ME3: variants seen among roughly 807,000 people sequenced by gnomAD.
ME3 encodes the protein malic enzyme 3, also known as NADP-dependent malic enzyme, mitochondrial.
A neutral mutation model predicts 68.9 loss-of-function variants in ME3; 48 were observed. The ratio of observed to expected loss-of-function variants is 0.70; its 90% CI spans 0.55 to 0.89. ME3 has a LOEUF of 0.89. ME3 is among the 40% of genes least tolerant of loss of function. The probability of loss-of-function intolerance (pLI) is 0.00; values close to 1 mark genes in which losing one functional copy is unlikely to be tolerated. For missense variants in ME3, 675 were observed against 797.4 expected (o/e 0.85, Z 1.85); for synonymous variants, 320 against 318.8 (o/e 1.00, Z -0.04).
chr11:86,564,086 T>C (rs778072002), intron 2 of ME3, among the ~76,000 whole-genome samples: 1 of 152,192 alleles, frequency 6.6e-6, no homozygotes, highest in Non-Finnish European at 1.5e-5. Flanking sequence ...TAGCATGGAA[T>C]GTTTTTCCAT....
chr11:86,476,359 G>T (rs1951083668), intron 7 of ME3, among the ~76,000 whole-genome samples: 1 of 152,232 alleles, frequency 6.6e-6, no homozygotes, highest in Admixed American at 6.5e-5. Flanking sequence ...AGGGGTGGGA[G>T]TTGGAGCCAT....
At chr11:86,619,538 T>A (rs1943210785) in intron 2 of ME3, among the ~76,000 whole-genome samples, 1 of 152,072 alleles carries the variant, frequency 6.6e-6, no homozygotes, top group Admixed American at 6.5e-5. Flanking sequence ...ACAGGAGGGG[T>A]TTCCCCCATA....
chr11:86,481,586 TG>T (rs1951411080), intron 7 of ME3, among the ~76,000 whole-genome samples: 1 of 152,090 alleles, frequency 6.6e-6, no homozygotes, highest in South Asian at 2.1e-4. Flanking sequence ...GGAGTGGGTG[TG>T]GGGGTGGAGT....
chr11:86,666,578 A>G (rs1174587355), intron 2 of ME3, among the ~76,000 whole-genome samples: 3 of 152,246 alleles, frequency 2.0e-5, no homozygotes, highest in Non-Finnish European at 4.4e-5. Flanking sequence ...AGTATTCAAC[A>G]GAGAAAAGTT....
chr11:86,454,098 A>T (rs1159744826), intron 8 of ME3, among the ~76,000 whole-genome samples: 2 of 152,252 alleles, frequency 1.3e-5, no homozygotes, highest in Non-Finnish European at 2.9e-5. Flanking sequence ...ACAAAGCAAA[A>T]GGAAATGAAA....
chr11:86,619,940 C>T (rs1943239083), intron 2 of ME3, among the ~76,000 whole-genome samples: 1 of 152,160 alleles, frequency 6.6e-6, no homozygotes, highest in Non-Finnish European at 1.5e-5. Context: ...AATTCACAGC[C>T]ACAAACCATT....
At chr11:86,550,907 G>A (rs939222136) in intron 4 of ME3, among the ~76,000 whole-genome samples, 1 of 152,186 alleles carries the variant, frequency 6.6e-6, no homozygotes. Context: ...CTGGAAATGG[G>A]CTCCAGTGGG....
At chr11:86,510,897 GA>G (rs1565880346) in intron 4 of ME3, among the ~76,000 whole-genome samples, 1 of 152,160 alleles carries the variant, frequency 6.6e-6, no homozygotes, top group East Asian at 1.9e-4. Flanking sequence ...TCAAAGACAA[GA>G]AAAAACAAAG....
chr11:86,535,011 C>T lies in ME3; in HGVS notation c.467+21542G>A, dbSNP rs541101243. The stretch of plus-strand genomic sequence containing the variant: ...TAATTTTTCATAAGTGAATTCTTAA[C>T]GAAGGTTTAAAACCACTGGCCTAGG... On this transcript the variant is annotated intron_variant, in intron 4 of 14. Coordinates refer to ENST00000543262, the Ensembl canonical transcript of ME3. Among the ~76,000 whole-genome samples, 40 of 152,242 alleles carry T rather than the reference C, an allele frequency of 2.6e-4. 1 individual carries two copies. The highest frequency in any genetic ancestry group is 4.9e-4 in the Non-Finnish European group (33 of 68,016).
chr11:86,510,929 T>C (rs1397952818), intron 4 of ME3, among the ~76,000 whole-genome samples: 1 of 152,216 alleles, frequency 6.6e-6, no homozygotes, highest in Non-Finnish European at 1.5e-5. Flanking sequence ...AAACTGATTC[T>C]CTTTCCTACT....
chr11:86,624,435 T>C (rs1209007102), intron 2 of ME3, among the ~76,000 whole-genome samples: 2 of 152,236 alleles, frequency 1.3e-5, no homozygotes, highest in Non-Finnish European at 2.9e-5. Flanking sequence ...ACAATATGTT[T>C]ACCATATAAA....
At chr11:86,450,780 C>T (rs1368419915) in intron 8 of ME3, among the ~76,000 whole-genome samples, 1 of 152,174 alleles carries the variant, frequency 6.6e-6, no homozygotes, top group Non-Finnish European at 1.5e-5. Flanking sequence ...GAGAACACAA[C>T]CTGACCATGA....
In ME3 at chr11:86,599,972, T is replaced by C. The variant is rs186822483; in HGVS notation, c.184-40149A>G. On this transcript the variant is annotated intron_variant, in intron 2 of 14. Transcript: ENST00000543262. ...AGCACTAAACATGGAAAGGCACAAC[T>C]GGTACCAGCCACTGCAAAATCATGC... 6.4e-3 allele frequency among the ~76,000 whole-genome samples: 975 copies of C among 152,260 alleles called. 8 individuals carry two copies. Among genetic ancestry groups the C allele is most frequent in the South Asian group, 0.017 (83 of 4,816 alleles).
At chr11:86,621,662 G>A (rs1943356978) in intron 2 of ME3, among the ~76,000 whole-genome samples, 1 of 151,520 alleles carries the variant, frequency 6.6e-6, no homozygotes, top group Non-Finnish European at 1.5e-5. Flanking sequence ...AATTCAAGCT[G>A]ACTTAAAATA....
At chr11:86,441,285 C>A (rs377472854) in exon 15 of ME3, 2 of 1,598,330 alleles carry the variant, frequency 1.3e-6, no homozygotes, top group Non-Finnish European at 1.7e-6. Flanking sequence ...TGCCTCAGAC[C>A]GTCTGAACAT....
intron 2 of ME3, among the ~76,000 whole-genome samples, chr11:86,580,440 T>C (rs1192910534): frequency 6.6e-6 from 1 of 152,200 alleles, no homozygotes; most frequent in Non-Finnish European, 1.5e-5. Context: ...TTAATGCTGA[T>C]TGACTAAATA....
intron 2 of ME3, among the ~76,000 whole-genome samples, chr11:86,617,047 T>A (rs1298001544): frequency 2.7e-5 from 1 of 37,140 alleles, no homozygotes; most frequent in African/African-American, 1.9e-4. Context: ...AGATAGTAGT[T>A]TTTTTTTTTT....
At chr11:86,448,787 G>T (rs1949464385) in intron 10 of ME3, among the ~76,000 whole-genome samples, 1 of 152,244 alleles carries the variant, frequency 6.6e-6, no homozygotes, top group South Asian at 2.1e-4. Context: ...TCAAATGGAA[G>T]TTGGTAGGTG....
At chr11:86,529,626 G>T (rs967229509) in intron 4 of ME3, among the ~76,000 whole-genome samples, 34 of 152,128 alleles carry the variant, frequency 2.2e-4, no homozygotes, top group African/African-American at 8.2e-4. Flanking sequence ...CTGGCAAACT[G>T]AATCCAGCAA....
Sources: allele counts gnomAD v4.1 joint callset (sites outside exome capture counted in the v4.1 genomes callset), GRCh38; gene constraint gnomAD v4.1.1; transcripts MANE v1.5; gene names NCBI Gene and HGNC (gene_info 2026-07-23, HGNC 2026-07-21).